Variants in TPCN2 observed in about 807,000 individuals in gnomAD.
TPCN2 encodes the protein two pore channel protein 2.
TPCN2 carries 92 observed loss-of-function variants against 111.4 expected under a neutral mutation model. The observed-to-expected ratio is 0.83, with a 90% CI of 0.70 to 0.98. The LOEUF is 0.98. TPCN2 is among the 50% of genes least tolerant of loss of function. The pLI, the probability that TPCN2 is intolerant of heterozygous loss-of-function variation, is 0.00. For missense variants in TPCN2, 995 were observed against 980.1 expected (o/e 1.02, Z -0.20); for synonymous variants, 405 against 414.5 (o/e 0.98, Z 0.28).
chr11:69,071,489 T>G, intron 10 of TPCN2, 69 bp downstream of exon 10: 3 of 1,421,858 alleles, frequency 2.1e-6, no homozygotes, highest in Non-Finnish European at 2.9e-6. Context: ...TGGCTTGAGA[T>G]GAGCAGCTGG....
rs890562594 is a variant in TPCN2, at chr11:69,090,431, G to C, written c.*2478G>C. ...CGACTGGGGCTTTGACTCCCACACT[G>C]TGTACCCCTCTTGTGTGGACGCCCT... On this transcript the variant is annotated 3_prime_UTR_variant, in exon 25 of 25. Transcript: ENST00000294309. The C allele has an allele frequency of 3.3e-5, 5 of 152,066 alleles. No individual in the cohort carries two copies. Among genetic ancestry groups the C allele is most frequent in the African/African-American group, 4.8e-5 (2 of 41,394 alleles). The allele number at this position is 152,066 out of a possible 1,614,324, so 9.4% of individuals were successfully genotyped here.
At chr11:69,059,508 A>G (rs908545230) in intron 5 of TPCN2, among the ~76,000 whole-genome samples, 1 of 152,208 alleles carries the variant, frequency 6.6e-6, no homozygotes, top group Non-Finnish European at 1.5e-5. Flanking sequence ...GGGGAGAGAC[A>G]GCCCCGCCAA....
intron 17 of TPCN2, among the ~76,000 whole-genome samples, chr11:69,080,661 G>C (rs1273300680): frequency 6.6e-6 from 1 of 152,186 alleles, no homozygotes; most frequent in African/African-American, 2.4e-5. Flanking sequence ...TCGCTTGGTG[G>C]GGGTGGGGAC....
chr11:69,064,020 A>T (rs1855148211), intron 7 of TPCN2, 53 bp downstream of exon 7: 1 of 1,560,348 alleles, frequency 6.4e-7, no homozygotes, highest in Non-Finnish European at 8.8e-7. Flanking sequence ...TGCTGTGACT[A>T]ACAGAGGGGG....
At chr11:69,068,140 G>C (rs1855355936) in intron 8 of TPCN2, among the ~76,000 whole-genome samples, 1 of 152,256 alleles carries the variant, frequency 6.6e-6, no homozygotes, top group Non-Finnish European at 1.5e-5. Flanking sequence ...AGGTGCAGGT[G>C]TGGCCAGGAT....
chr11:69,075,945 A>G (rs1220721042), intron 13 of TPCN2, among the ~76,000 whole-genome samples: 1 of 152,230 alleles, frequency 6.6e-6, no homozygotes, highest in Non-Finnish European at 1.5e-5. Flanking sequence ...TCAGTTACAC[A>G]GCTAACATAT....
At chr11:69,054,540 A>G in intron 2 of TPCN2, 181 bp from the exon 3 acceptor site, 1 of 622,800 alleles carries the variant, frequency 1.6e-6, no homozygotes, top group Non-Finnish European at 2.9e-6. Context: ...GTGTTGGGCA[A>G]ACCTCGTGGT....
chr11:69,074,047 C>T (rs1271393595), intron 13 of TPCN2, among the ~76,000 whole-genome samples: 1 of 152,204 alleles, frequency 6.6e-6, no homozygotes, highest in Non-Finnish European at 1.5e-5. Context: ...TAGTCACATT[C>T]TGAGCTACTG....
At chr11:69,066,174 G>A (rs560944613) in intron 7 of TPCN2, among the ~76,000 whole-genome samples, 2 of 152,286 alleles carry the variant, frequency 1.3e-5, no homozygotes, top group South Asian at 2.1e-4. Context: ...ATTTGGGAAC[G>A]TGGTGGTTTG....
chr11:69,062,274 C>T (rs536282019), intron 5 of TPCN2, among the ~76,000 whole-genome samples: 6 of 152,268 alleles, frequency 3.9e-5, no homozygotes, highest in South Asian at 2.1e-4. Flanking sequence ...TGCTAGATCC[C>T]GCTTCCAACA....
At chr11:69,063,394 A>G (rs767740171) in intron 6 of TPCN2, among the ~76,000 whole-genome samples, 2 of 150,914 alleles carry the variant, frequency 1.3e-5, no homozygotes, top group African/African-American at 2.4e-5. Context: ...TCCTGACGAC[A>G]CCCCTGCTTG....
At chr11:69,067,751 C>A in intron 8 of TPCN2, 146 bp downstream of exon 8, 2 of 628,384 alleles carry the variant, frequency 3.2e-6, no homozygotes, top group Non-Finnish European at 5.4e-6. Flanking sequence ...ATTTTCCTTC[C>A]TCCCCTTCTT....
At chr11:69,065,332 C>T (rs952628892) in intron 7 of TPCN2, among the ~76,000 whole-genome samples, 5 of 152,206 alleles carry the variant, frequency 3.3e-5, no homozygotes, top group African/African-American at 1.2e-4. Context: ...GAAGTGGCAA[C>T]AGCCTCGGCC....
intron 3 of TPCN2, 109 bp from the exon 4 acceptor site, chr11:69,055,066 G>T: frequency 8.2e-7 from 1 of 1,221,682 alleles, no homozygotes; most frequent in African/African-American, 1.5e-5. Flanking sequence ...GAGTGTCCAC[G>T]CTCAGGCAGC....
chr11:69,073,271 C>T (rs1182417458), intron 13 of TPCN2, among the ~76,000 whole-genome samples: 1 of 152,254 alleles, frequency 6.6e-6, no homozygotes, highest in African/African-American at 2.4e-5. Context: ...CCATGACAGA[C>T]TCTCCTTTTC....
Position 69,078,902 on chromosome 11 carries a change from G to C in TPCN2, c.1421G>C (p.Cys474Ser). Residue 474 changes from cysteine to serine, a missense_variant, in exon 16 of 25, where the codon TGC (cysteine) becomes TCC (serine). By Grantham distance (112) the Cys-to-Ser change is moderately radical. Transcript: ENST00000294309. ...RDDFILGILNCVFIVYYLLEM... is the reference protein window; with the variant it reads ...RDDFILGILNSVFIVYYLLEM... ...TTCTGCCCCTTTCAGATTCTCAACT[G>C]CGTCTTCATTGTGTACTACCTGTTG... 1 of 1,614,066 alleles carries C rather than the reference G, an allele frequency of 6.2e-7. No homozygotes were observed. Among genetic ancestry groups the C allele is most frequent in the Non-Finnish European group, 8.5e-7 (1 of 1,179,970 alleles).
intron 7 of TPCN2, among the ~76,000 whole-genome samples, chr11:69,065,019 CTGTA>C (rs1219851374): frequency 3.4e-5 from 5 of 147,180 alleles, no homozygotes; most frequent in African/African-American, 1.0e-4. Context: ...TGCATGGTGT[CTGTA>C]TGTCTGTGTG....
At position 69,087,125 on chromosome 11, in the gene TPCN2, A is replaced by G; in HGVS notation, c.2099A>G (p.Lys700Arg). 6.2e-7 allele frequency: 1 copy of G among 1,613,742 alleles called. No individual in the cohort carries two copies. The highest frequency in any genetic ancestry group is 8.5e-7 in the Non-Finnish European group (1 of 1,179,804). ...LALILENFLHKWDPRSHLQPL... is the reference protein window; with the variant it reads ...LALILENFLHRWDPRSHLQPL... ...CCTGCTTGCCAGAACTTCCTTCACA[A>G]GTGGGACCCCCGCAGCCACCTGCAG... Residue 700 changes from lysine (K) to arginine (R), a missense_variant, in exon 24 of 25, where the codon AAG (lysine) becomes AGG (arginine). Physicochemically the swap from Lys to Arg is conservative, Grantham distance 26. Coordinates refer to ENST00000294309, the MANE Select transcript of TPCN2 (RefSeq NM_139075.4).
chr11:69,054,944 A>G, intron 3 of TPCN2, 147 bp downstream of exon 3: 1 of 907,470 alleles, frequency 1.1e-6, no homozygotes, highest in Non-Finnish European at 1.7e-6. Flanking sequence ...CTCTCTGGAA[A>G]GGAGACGGCC....
Sources: gnomAD v4.1 joint callset for allele counts (sites outside exome capture counted in the v4.1 genomes callset) on GRCh38, gnomAD v4.1.1 for gene constraint, MANE v1.5 for transcripts, NCBI Gene and HGNC (gene_info 2026-07-23, HGNC 2026-07-21) for gene names.